The following ITSN2 variants were observed in gnomAD, a reference collection of about 807,000 sequenced individuals.
The protein encoded by ITSN2 is intersectin-2.
In ITSN2, 156 loss-of-function variants were observed where a neutral mutation model predicts 243.7. The ratio of observed to expected loss-of-function variants is 0.64; its 90% CI spans 0.56 to 0.73. The LOEUF (loss-of-function observed/expected upper bound fraction) is 0.73. Ranked by LOEUF, ITSN2 falls within the 30% of genes least tolerant of loss-of-function variation. The pLI, the probability that ITSN2 is intolerant of heterozygous loss-of-function variation, is 0.00. For synonymous variants in ITSN2, 703 were observed against 699.9 expected (o/e 1.00, Z -0.07); for missense variants, 1,801 against 1,996.1 (o/e 0.90, Z 1.86).
At chr2:24,312,166 A>G (rs1196205996) in intron 5 of ITSN2, 46 bp downstream of exon 5, 5 of 1,442,468 alleles carry the variant, frequency 3.5e-6, no homozygotes, top group Middle Eastern at 1.8e-4. Context: ...GCCTAGGGAT[A>G]AAGTTTAAGT....
chr2:24,257,249 G>A (rs898745484), intron 23 of ITSN2, among the ~76,000 whole-genome samples: 7 of 152,024 alleles, frequency 4.6e-5, no homozygotes, highest in Non-Finnish European at 1.0e-4. Context: ...AAGGCTGGGT[G>A]GTCGAGGCTG....
At chr2:24,203,893 C>G (rs1668567372) in intron 39 of ITSN2, 110 bp from the exon 40 acceptor site, 2 of 1,177,188 alleles carry the variant, frequency 1.7e-6, no homozygotes, top group Non-Finnish European at 2.4e-6. Context: ...AAACAAGGAA[C>G]TTCTTTTGGC....
chr2:24,310,285 T>A lies in ITSN2; in HGVS notation c.652A>T (p.Ser218Cys). The change falls in exon 7 of 40, where the codon AGC becomes TGC. Residue 218 changes from serine to cysteine, a missense_variant and splice_region_variant. Around this residue, in one of 5 missense-constraint regions of ITSN2, gnomAD observed 787 missense variants for 803.9 expected, o/e 0.98. Coordinates refer to ENST00000355123, the MANE Select transcript of ITSN2 (RefSeq NM_006277.3). ...GTTGTCAGAGTTAGCTATTCATACC[T>A]ACTAGATCCTAAATCAATCAGAGAC... ...AQSLIDLGSS[S>C]STSSTASLSG... is the part of the protein sequence containing the mutation. The A allele has an allele frequency of 6.2e-7, 1 of 1,600,814 alleles. No individual in the cohort carries two copies. Among genetic ancestry groups the A allele is most frequent in the Non-Finnish European group, 8.5e-7 (1 of 1,169,714 alleles).
intron 16 of ITSN2, among the ~76,000 whole-genome samples, chr2:24,285,413 A>G (rs1406230980): frequency 6.6e-6 from 1 of 152,188 alleles, no homozygotes; most frequent in Non-Finnish European, 1.5e-5. Context: ...ATTTGCTGTT[A>G]ATGTTATTCT....
chr2:24,315,096 C>A, intron 3 of ITSN2, 36 bp downstream of exon 3: 1 of 1,125,994 alleles, frequency 8.9e-7, no homozygotes, highest in Non-Finnish European at 1.3e-6. Flanking sequence ...ACATAAGGAC[C>A]ATAATTCACT....
chr2:24,357,602 TA>T (rs202211348), intron 1 of ITSN2, among the ~76,000 whole-genome samples: 2 of 150,004 alleles, frequency 1.3e-5, no homozygotes, highest in African/African-American at 2.5e-5. Context: ...TTGTAAGAAA[TA>T]AAAAAAAATC....
At chr2:24,273,428 GTAAT>G (rs1255413180) in intron 18 of ITSN2, among the ~76,000 whole-genome samples, 1 of 152,146 alleles carries the variant, frequency 6.6e-6, no homozygotes, top group African/African-American at 2.4e-5. Context: ...TCCAAGCCTA[GTAAT>G]TAATACCCAA....
intron 16 of ITSN2, 110 bp downstream of exon 16, chr2:24,286,102 A>G (rs1435846937): frequency 1.6e-6 from 1 of 641,696 alleles, no homozygotes; most frequent in Admixed American, 3.4e-5. Context: ...TATAAAATAA[A>G]TTATGAAAAT....
chr2:24,304,139 C>T (rs1211970548), intron 8 of ITSN2, among the ~76,000 whole-genome samples: 2 of 152,198 alleles, frequency 1.3e-5, no homozygotes, highest in Non-Finnish European at 2.9e-5. Context: ...CGTGAAAGAA[C>T]AAGATATCAG....
chr2:24,288,243 G>C (rs556101043), intron 15 of ITSN2, among the ~76,000 whole-genome samples: 1 of 152,144 alleles, frequency 6.6e-6, no homozygotes, highest in South Asian at 2.1e-4. Context: ...TGGATATCCA[G>C]TTTTCCCAAT....
At chr2:24,252,143 T>A (rs73920046) in intron 25 of ITSN2, among the ~76,000 whole-genome samples, 225 of 152,324 alleles carry the variant, frequency 1.5e-3, no homozygotes, top group African/African-American at 5.2e-3. Context: ...TTTATCTAAC[T>A]GGAGCCATAT....
Position 24,284,828 on chromosome 2 carries a change from C to T in ITSN2, c.1879G>A (p.Asp627Asn). ...GACAAAAGGCACTGAAGAACAGAGT[C>T]ATCCATATTCCCACACTGTAAGATA... ...NNQLKCGNMDDSVLQCLLSLL... is the reference protein window; with the variant it reads ...NNQLKCGNMDNSVLQCLLSLL... Residue 627 changes from aspartate (D) to asparagine (N), a missense_variant, in exon 17 of 40, where the codon GAC (aspartate) becomes AAC (asparagine). Transcript: ENST00000355123. The T allele has an allele frequency of 6.3e-7, 1 of 1,594,936 alleles. No individual in the cohort carries two copies. The highest frequency in any genetic ancestry group is 8.6e-7 in the Non-Finnish European group (1 of 1,164,960).
chr2:24,360,827 G>C (rs1312324557), upstream of ITSN2: 1 of 152,540 alleles, frequency 6.6e-6, no homozygotes, highest in African/African-American at 2.4e-5. Context: ...AGCTTGGGTG[G>C]TGCTTTTCCT....
At chr2:24,272,259 A>C (rs1212403233) in intron 18 of ITSN2, among the ~76,000 whole-genome samples, 1 of 152,214 alleles carries the variant, frequency 6.6e-6, no homozygotes, top group Admixed American at 6.5e-5. Flanking sequence ...GGAACCATTC[A>C]GCAAATAAAT....
intron 32 of ITSN2, among the ~76,000 whole-genome samples, chr2:24,214,156 T>C (rs1669750203): frequency 6.6e-6 from 1 of 152,244 alleles, no homozygotes; most frequent in Non-Finnish European, 1.5e-5. Context: ...CCTATTTGGT[T>C]ATGATAGGCT....
intron 1 of ITSN2, among the ~76,000 whole-genome samples, chr2:24,353,707 G>A (rs1250134310): frequency 3.9e-5 from 6 of 152,162 alleles, no homozygotes; most frequent in Non-Finnish European, 5.9e-5. Flanking sequence ...AGAAGGCACT[G>A]TGAAAACATA....
intron 30 of ITSN2, chr2:24,220,654 T>G (rs906248702): frequency 8.0e-7 from 1 of 1,253,880 alleles, no homozygotes; most frequent in Non-Finnish European, 1.0e-6. Context: ...TTGATGGGGC[T>G]CCTGCCACAT....
intron 29 of ITSN2, chr2:24,241,444 G>C (rs748435055): frequency 2.0e-5 from 3 of 152,384 alleles, no homozygotes; most frequent in Non-Finnish European, 4.4e-5. Context: ...GATCCTAAGC[G>C]AACTACCATA....
intron 31 of ITSN2, among the ~76,000 whole-genome samples, chr2:24,216,647 C>T (rs373847553): frequency 7.3e-5 from 11 of 151,646 alleles, no homozygotes; most frequent in South Asian, 2.1e-4. Context: ...CCAGCTACTC[C>T]GGAGGCTGAG....
Sources: allele counts gnomAD v4.1 joint callset (sites outside exome capture counted in the v4.1 genomes callset), GRCh38; gene constraint gnomAD v4.1.1; regional missense constraint gnomAD v4.1.1; transcripts MANE v1.5; gene names NCBI Gene and HGNC (gene_info 2026-07-23, HGNC 2026-07-21).